NUP214: variants seen among roughly 807,000 people sequenced by gnomAD.
The protein encoded by NUP214 is nucleoporin 214, also known as nuclear pore complex protein Nup214.
A neutral mutation model predicts 196.2 loss-of-function variants in NUP214; 79 were observed. The observed-to-expected ratio is 0.40, with a 90% CI of 0.34 to 0.49. NUP214 has a LOEUF of 0.49. Among genes scored for constraint, NUP214 ranks in the 20% least tolerant of loss-of-function variants. The probability of loss-of-function intolerance (pLI) is 0.58; values close to 1 mark genes in which losing one functional copy is unlikely to be tolerated. For missense variants in NUP214, 2,468 were observed against 2,539.0 expected (o/e 0.97, Z 0.60); for synonymous variants, 1,020 against 990.5 (o/e 1.03, Z -0.56).
intron 21 of NUP214, among the ~76,000 whole-genome samples, chr9:131,173,788 ATT>A (rs1202675705): frequency 1.3e-5 from 2 of 152,082 alleles, no homozygotes; most frequent in East Asian, 3.9e-4. Flanking sequence ...TGACACCAGC[ATT>A]AATTCTGTCT....
intron 30 of NUP214, among the ~76,000 whole-genome samples, chr9:131,204,475 G>A (rs780092879): frequency 2.6e-5 from 4 of 152,044 alleles, no homozygotes; most frequent in African/African-American, 7.2e-5. Flanking sequence ...AGCACTTAAC[G>A]CTGCCATTGT....
chr9:131,139,475 A>G (rs1415677135), intron 10 of NUP214, 68 bp downstream of exon 10: 5 of 1,572,296 alleles, frequency 3.2e-6, no homozygotes, highest in African/African-American at 1.4e-5. Context: ...TTGAAACACC[A>G]GTTACATGTT....
In NUP214 at chr9:131,230,666, G is replaced by A. The variant is rs765897717; in HGVS notation, c.6111G>A (p.Thr2037=). The A allele has an allele frequency of 1.7e-5, 27 of 1,613,962 alleles. No homozygotes were observed. The Middle Eastern group carries it at 4.9e-4, about 29-fold the overall frequency. Residue 2037 remains threonine (T), a synonymous_variant, in exon 34 of 36, where the codon ACG becomes ACA. Coordinates refer to ENST00000359428, the MANE Select transcript of NUP214 (RefSeq NM_005085.4). ...GSSSNTTSFG[T]LASQNAPTFG... ...GCAGCAACACCACATCCTTCGGCAC[G>A]CTCGCGAGTCAGAATGCCCCCACTT...
chr9:131,208,979 C>T (rs1056462693), intron 30 of NUP214, among the ~76,000 whole-genome samples: 20 of 152,090 alleles, frequency 1.3e-4, no homozygotes, highest in Non-Finnish European at 2.4e-4. Context: ...CGCCACTGCA[C>T]TCCAGCCTGG....
At chr9:131,209,512 T>C (rs936568912) in intron 30 of NUP214, among the ~76,000 whole-genome samples, 4 of 151,782 alleles carry the variant, frequency 2.6e-5, no homozygotes, top group Non-Finnish European at 1.5e-5. Context: ...CACCTCAGCC[T>C]CTCAAGTAGT....
chr9:131,137,891 C>T (rs1831786566), intron 9 of NUP214, among the ~76,000 whole-genome samples: 1 of 152,154 alleles, frequency 6.6e-6, no homozygotes, highest in South Asian at 2.1e-4. Flanking sequence ...AGAGGAATGT[C>T]TTAGCACTCC....
At chr9:131,166,848 A>G (rs1408718163) in intron 21 of NUP214, among the ~76,000 whole-genome samples, 2 of 151,916 alleles carry the variant, frequency 1.3e-5, no homozygotes, top group African/African-American at 4.8e-5. Context: ...GTAAGCACCC[A>G]CTTACCCCTC....
chr9:131,213,268 C>T (rs1029442768), intron 30 of NUP214, among the ~76,000 whole-genome samples: 1 of 151,842 alleles, frequency 6.6e-6, no homozygotes, highest in Non-Finnish European at 1.5e-5. Flanking sequence ...CTCTGCCTCC[C>T]GGGTTCAAGC....
At chr9:131,215,724 C>T (rs1834374353) in intron 31 of NUP214, among the ~76,000 whole-genome samples, 1 of 152,002 alleles carries the variant, frequency 6.6e-6, no homozygotes, top group Admixed American at 6.6e-5. Flanking sequence ...GCCGAGGATG[C>T]TGGGAGGAGA....
At chr9:131,196,025 T>TCCCTCTCCCCCCCCCC (rs1554737949) in intron 28 of NUP214, among the ~76,000 whole-genome samples, 3 of 3,668 alleles carry the variant, frequency 8.2e-4, no homozygotes, top group Admixed American at 4.4e-3. Context: ...ACTCTGTGTG[T>TCCCTCTCCCCCCCCCC]CCCCCCCCCC....
intron 23 of NUP214, 41 bp from the exon 24 acceptor site, chr9:131,178,270 C>G: frequency 6.7e-7 from 1 of 1,497,902 alleles, no homozygotes; most frequent in African/African-American, 1.4e-5. Flanking sequence ...TTATCCTTTG[C>G]TGGAATTAAT....
chr9:131,167,896 G>T (rs1392844214), intron 21 of NUP214, among the ~76,000 whole-genome samples: 1 of 152,014 alleles, frequency 6.6e-6, no homozygotes, highest in Non-Finnish European at 1.5e-5. Flanking sequence ...TTTTGTTTTT[G>T]TTTTTAGAAA....
intron 21 of NUP214, 50 bp downstream of exon 21, chr9:131,164,194 GGTGT>G: frequency 1.3e-6 from 2 of 1,562,616 alleles, no homozygotes; most frequent in Non-Finnish European, 1.8e-6. Flanking sequence ...GGTGTGGTGG[GGTGT>G]GTGTGTGTGC....
Position 131,232,248 on chromosome 9 carries a change from T to C in NUP214, c.6215-36T>C. On this transcript the variant is annotated intron_variant, in intron 34 of 35. Coordinates refer to ENST00000359428, the MANE Select transcript of NUP214 (RefSeq NM_005085.4). The surrounding 1 kb of genome is among the most constrained non-coding windows in gnomAD (Gnocchi z 5.1). ...GGACCACCTTTGTCTTTCGAGTGGA[T>C]GCGTGCTTTAACTTCACTCTTATTC... 1 of 1,613,724 alleles carries C rather than the reference T, an allele frequency of 6.2e-7. No homozygotes were observed. The highest frequency in any genetic ancestry group is 8.5e-7 in the Non-Finnish European group (1 of 1,179,582).
intron 24 of NUP214, 100 bp from the exon 25 acceptor site, chr9:131,187,189 A>G: frequency 1.0e-6 from 1 of 995,498 alleles, no homozygotes; most frequent in Non-Finnish European, 1.6e-6. Context: ...ATCCTACCCA[A>G]AACTGGTATT....
At chr9:131,126,306 G>A (rs1831347961) in intron 1 of NUP214, 3 of 153,554 alleles carry the variant, frequency 2.0e-5, no homozygotes, top group African/African-American at 7.2e-5. Context: ...CCTAAAGTCA[G>A]GAACCTAAAG....
At chr9:131,169,749 T>C (rs1213718110) in intron 21 of NUP214, among the ~76,000 whole-genome samples, 1 of 152,196 alleles carries the variant, frequency 6.6e-6, no homozygotes, top group Non-Finnish European at 1.5e-5. Flanking sequence ...TCTGCTGTTG[T>C]AATGGGAAAG....
At chr9:131,173,941 A>G in intron 21 of NUP214, 114 bp from the exon 22 acceptor site, 1 of 1,337,216 alleles carries the variant, frequency 7.5e-7, no homozygotes, top group Non-Finnish European at 1.0e-6. Context: ...AATAAGTAAT[A>G]ATTAAATCAT....
chr9:131,203,432 T>C (rs943935023), intron 30 of NUP214, among the ~76,000 whole-genome samples: 3 of 152,226 alleles, frequency 2.0e-5, no homozygotes, highest in Non-Finnish European at 4.4e-5. Context: ...GGAGCCCTTA[T>C]GAAGAAAGAT....
Sources: gnomAD v4.1 joint callset for allele counts (sites outside exome capture counted in the v4.1 genomes callset) on GRCh38, gnomAD v4.1.1 for gene constraint, Gnocchi (gnomAD v3.1) non-coding constraint, MANE v1.5 for transcripts, NCBI Gene and HGNC (gene_info 2026-07-23, HGNC 2026-07-21) for gene names.